Variants in OR51B5 observed in about 807,000 individuals in gnomAD.
OR51B5 encodes olfactory receptor 51B5.
For synonymous variants in OR51B5, 186 were observed against 144.8 expected (o/e 1.28, Z -2.04); for missense variants, 456 against 374.6 (o/e 1.22, Z -1.79).
At chr11:5,467,451 A>C (rs1261762523) in intron 1 of OR51B5, among the ~76,000 whole-genome samples, 1 of 152,216 alleles carries the variant, frequency 6.6e-6, no homozygotes, top group Non-Finnish European at 1.5e-5. Context: ...GCTTTTTAAA[A>C]AGTAATTTTC....
chr11:5,488,236 C>A lies in OR51B5; in HGVS notation n.84+17333G>T, dbSNP rs187177054. On this transcript the variant is annotated intron_variant and non_coding_transcript_variant, in intron 1 of 4. Transcript: ENST00000415970. The stretch of plus-strand genomic sequence containing the variant: ...AATACAAAATTAGAGATTACCAAGA[C>A]CAGTTTAGAAAGGGAAGGCCTCTGG... Among the ~76,000 whole-genome samples, 10 of 152,112 alleles carry A rather than the reference C, an allele frequency of 6.6e-5. No homozygotes were observed. The South Asian group carries it at 2.1e-3, about 32-fold the overall frequency.
intron 1 of OR51B5, chr11:5,454,510 G>C: frequency 8.6e-7 from 1 of 1,160,818 alleles, no homozygotes; most frequent in Non-Finnish European, 1.2e-6. Context: ...CAAAGTATAA[G>C]ATAGATTGTG....
At chr11:5,464,310 T>C (rs1463737524) in intron 1 of OR51B5, among the ~76,000 whole-genome samples, 2 of 152,222 alleles carry the variant, frequency 1.3e-5, no homozygotes, top group Admixed American at 6.5e-5. Context: ...AATTATACTT[T>C]AAGTTTTAGG....
At chr11:5,418,691 A>T (rs1398459760) in intron 1 of OR51B5, among the ~76,000 whole-genome samples, 1 of 150,576 alleles carries the variant, frequency 6.6e-6, no homozygotes, top group Non-Finnish European at 1.5e-5. Flanking sequence ...GAATACATGG[A>T]CACAGCGAGG....
rs536216453 is a variant in OR51B5 at position 5,376,865 on chromosome 11, A to G, written n.85-29955T>C. 3.4e-3 allele frequency among the ~76,000 whole-genome samples: 498 copies of G among 147,442 alleles called. 7 individuals are homozygous for G. The highest frequency in any genetic ancestry group is 9.2e-3 in the African/African-American group (366 of 39,654). ...TCCAGGACCAGATGGATTCACAGCCAAATTCTAACAGAGGTACAAGGAGGA... is the reference window on the plus strand; with the variant it reads ...TCCAGGACCAGATGGATTCACAGCCGAATTCTAACAGAGGTACAAGGAGGA... On this transcript the variant is annotated intron_variant and non_coding_transcript_variant, in intron 1 of 4. Transcript: ENST00000415970.
At chr11:5,396,874 A>G (rs529690331) in intron 1 of OR51B5, among the ~76,000 whole-genome samples, 279 of 152,288 alleles carry the variant, frequency 1.8e-3, no homozygotes, top group African/African-American at 5.9e-3. Flanking sequence ...CAATGGAACA[A>G]AACAGAGCCC....
chr11:5,373,512 G>A (rs893947009), intron 1 of OR51B5, among the ~76,000 whole-genome samples: 13 of 152,126 alleles, frequency 8.5e-5, no homozygotes, highest in South Asian at 2.1e-4. Flanking sequence ...TGCACCAGCC[G>A]AAGCAGGGTG....
chr11:5,366,017 C>A (rs1211283428), intron 1 of OR51B5, among the ~76,000 whole-genome samples: 1 of 151,970 alleles, frequency 6.6e-6, no homozygotes, highest in African/African-American at 2.4e-5. Flanking sequence ...GACTTAAGAC[C>A]AACCAACCAC....
intron 1 of OR51B5, chr11:5,489,282 T>G: frequency 6.2e-7 from 1 of 1,613,860 alleles, no homozygotes; most frequent in Non-Finnish European, 8.5e-7. Flanking sequence ...GACTGGCCTG[T>G]GCCAACATCA....
intron 1 of OR51B5, among the ~76,000 whole-genome samples, chr11:5,449,901 CTTT>C (rs1850818400): frequency 6.6e-6 from 1 of 152,128 alleles, no homozygotes; most frequent in East Asian, 1.9e-4. Context: ...AATTTTCATT[CTTT>C]ATTATCCATG....
At chr11:5,476,091 G>A (rs181543281) in intron 1 of OR51B5, among the ~76,000 whole-genome samples, 20 of 152,280 alleles carry the variant, frequency 1.3e-4, no homozygotes, top group Admixed American at 1.2e-3. Flanking sequence ...TCCATGCGCA[G>A]TAGAGAAATC....
chr11:5,436,233 T>C (rs537594686), intron 1 of OR51B5, among the ~76,000 whole-genome samples: 2 of 152,208 alleles, frequency 1.3e-5, no homozygotes, highest in South Asian at 2.1e-4. Flanking sequence ...TGCTGAGCCA[T>C]AGGTGGAGAT....
intron 1 of OR51B5, among the ~76,000 whole-genome samples, chr11:5,401,760 T>A (rs576563820): frequency 6.6e-6 from 1 of 152,208 alleles, no homozygotes; most frequent in Admixed American, 6.5e-5. Flanking sequence ...GGCAGTCATT[T>A]CTCTCTAAGT....
At chr11:5,423,055 A>AC (rs778736614) in intron 1 of OR51B5, 1 of 1,613,782 alleles carries the variant, frequency 6.2e-7, no homozygotes, top group Non-Finnish European at 8.5e-7. Context: ...ACCTGCTGGC[A>AC]CCCCCGGTGA....
chr11:5,483,178 T>C (rs1169974039), intron 1 of OR51B5, among the ~76,000 whole-genome samples: 1 of 149,666 alleles, frequency 6.7e-6, no homozygotes, highest in Non-Finnish European at 1.5e-5. Flanking sequence ...TATGCAGCCA[T>C]AAAAAATGAT....
intron 1 of OR51B5, chr11:5,441,563 ACTT>A: frequency 1.4e-6 from 2 of 1,381,056 alleles, no homozygotes; most frequent in South Asian, 2.5e-5. Context: ...GTGTTGGGAA[ACTT>A]CTTCACTTTC....
At chr11:5,343,845 T>C (rs1436135816), upstream of OR51B5, among the ~76,000 whole-genome samples, 1 of 152,234 alleles carries the variant, frequency 6.6e-6, no homozygotes, top group Non-Finnish European at 1.5e-5. Flanking sequence ...CCCTTAACTA[T>C]GCAGATTTTA....
intron 1 of OR51B5, among the ~76,000 whole-genome samples, chr11:5,361,932 T>TA (rs1330167593): frequency 2.0e-5 from 3 of 152,128 alleles, no homozygotes; most frequent in Non-Finnish European, 4.4e-5. Context: ...AAGATGAAGT[T>TA]AGAGTGAGGA....
intron 1 of OR51B5, among the ~76,000 whole-genome samples, chr11:5,394,104 T>G (rs1400718563): frequency 6.6e-6 from 1 of 152,166 alleles, no homozygotes; most frequent in Non-Finnish European, 1.5e-5. Context: ...GAGTTATAGA[T>G]TCACAGAAAA....
Sources: gnomAD v4.1 joint callset for allele counts (sites outside exome capture counted in the v4.1 genomes callset) on GRCh38, gnomAD v4.1.1 for gene constraint, MANE v1.5 for transcripts, NCBI Gene and HGNC (gene_info 2026-07-23, HGNC 2026-07-21) for gene names.